Variants in FAT3 observed in about 807,000 individuals in gnomAD.
FAT3 encodes FAT atypical cadherin 3.
Under a neutral mutation model 310.2 loss-of-function variants are expected in FAT3, and 95 were observed. The observed-to-expected ratio is 0.31, with a 90% CI of 0.26 to 0.36. The LOEUF is 0.36. FAT3 is among the 10% of genes least tolerant of loss of function. FAT3 has a pLI of 1.00. For synonymous variants in FAT3, 2,314 were observed against 2,192.9 expected (o/e 1.06, Z -1.54); for missense variants, 5,408 against 5,715.6 (o/e 0.95, Z 1.74).
chr11:92,864,144 C>T (rs1398523472), intron 21 of FAT3, among the ~76,000 whole-genome samples: 1 of 152,176 alleles, frequency 6.6e-6, no homozygotes, highest in Non-Finnish European at 1.5e-5. Context: ...ACATCAGAGT[C>T]CTGTCATTTC....
At chr11:92,837,929 A>G in intron 17 of FAT3, 123 bp downstream of exon 17, 1 of 1,205,806 alleles carries the variant, frequency 8.3e-7, no homozygotes, top group South Asian at 1.3e-5. Flanking sequence ...TTCATAGGGC[A>G]GGTATGAAAA....
chr11:92,828,259 A>T (rs1948149612), intron 13 of FAT3, among the ~76,000 whole-genome samples: 1 of 152,150 alleles, frequency 6.6e-6, no homozygotes, highest in African/African-American at 2.4e-5. Context: ...ATTGCCCAGG[A>T]ACATGGCAAA....
At position 92,867,189 on chromosome 11, in the gene FAT3, G is replaced by A. The variant is rs2136353027; in HGVS notation, c.12107G>A (p.Cys4036Tyr). ...KRSPCQHGGS[C>Y]TGLPSGGYQC... ...AGCCCGTGCCAGCACGGGGGCAGCT[G>A]CACTGGCCTGCCATCGGGGGGTGAG... Residue 4036 changes from cysteine (C) to tyrosine (Y), a missense_variant, in exon 22 of 28, where the codon TGC becomes TAC. This residue lies in a region of FAT3 where 4,588 missense variants were observed against 4,809.8 expected (regional missense o/e 0.95). Coordinates refer to ENST00000525166, the MANE Select transcript of FAT3 (RefSeq NM_001367949.2). 6.3e-7 allele frequency: 1 copy of A among 1,581,148 alleles called. No individual in the cohort carries two copies. Among genetic ancestry groups the A allele is most frequent in the Middle Eastern group, 1.8e-4 (1 of 5,572 alleles).
At chr11:92,784,591 G>A (rs944589836) in intron 7 of FAT3, among the ~76,000 whole-genome samples, 4 of 152,074 alleles carry the variant, frequency 2.6e-5, no homozygotes, top group African/African-American at 7.2e-5. Context: ...TCCTATATTC[G>A]GGTTTCCTCC....
At chr11:92,291,106 CACACACACACAT>C (rs1223782707) in intron 1 of FAT3, among the ~76,000 whole-genome samples, 11 of 151,838 alleles carry the variant, frequency 7.2e-5, no homozygotes, top group Non-Finnish European at 1.3e-4. Context: ...CACACACACA[CACACACACACAT>C]GCACGCGCGC....
intron 1 of FAT3, among the ~76,000 whole-genome samples, chr11:92,235,781 T>C (rs1864392907): frequency 6.6e-6 from 1 of 152,204 alleles, no homozygotes; most frequent in Non-Finnish European, 1.5e-5. Context: ...GCTGATCTGC[T>C]CAAGCTCTGG....
At chr11:92,425,279 T>G (rs959820094) in intron 2 of FAT3, among the ~76,000 whole-genome samples, 7 of 152,230 alleles carry the variant, frequency 4.6e-5, no homozygotes, top group Non-Finnish European at 7.4e-5. Flanking sequence ...CTACATGCTT[T>G]GGGTCCTGAG....
intron 1 of FAT3, among the ~76,000 whole-genome samples, chr11:92,327,546 C>A (rs897850155): frequency 2.0e-5 from 3 of 152,194 alleles, no homozygotes; most frequent in East Asian, 3.9e-4. Flanking sequence ...TTTCTTTAAT[C>A]ACTTGTCAAG....
intron 2 of FAT3, among the ~76,000 whole-genome samples, chr11:92,447,268 A>G (rs1179555808): frequency 2.0e-5 from 3 of 148,882 alleles, no homozygotes; most frequent in African/African-American, 7.6e-5. Flanking sequence ...CAGTGGTTTC[A>G]AGCACATTTT....
In FAT3 at chr11:92,394,960, G is replaced by C. The variant is rs146676346; in HGVS notation, c.3292+39556G>C. On this transcript the variant is annotated intron_variant, in intron 2 of 27. Coordinates refer to ENST00000525166, the MANE Select transcript of FAT3 (RefSeq NM_001367949.2). The stretch of plus-strand genomic sequence containing the variant: ...AGTTCCCATTAAGGCAGGGATGTCT[G>C]TTTTGTTTTCTGCCACACCCATTGG... Among the ~76,000 whole-genome samples the C allele has an allele frequency of 2.6e-5, 4 of 152,266 alleles. No homozygotes were observed. In the East Asian group the frequency reaches 7.7e-4, roughly 29 times the overall value.
chr11:92,393,903 T>C (rs1407048293), intron 2 of FAT3, among the ~76,000 whole-genome samples: 1 of 152,172 alleles, frequency 6.6e-6, no homozygotes, highest in Non-Finnish European at 1.5e-5. Context: ...ACTGACTTGT[T>C]ATGTTGTAAT....
intron 1 of FAT3, among the ~76,000 whole-genome samples, chr11:92,348,762 A>G (rs1487582808): frequency 6.6e-6 from 1 of 152,152 alleles, no homozygotes; most frequent in Admixed American, 6.6e-5. Context: ...TAAACTCAGG[A>G]GATTGGAACA....
intron 9 of FAT3, among the ~76,000 whole-genome samples, chr11:92,794,352 C>G (rs907394848): frequency 1.3e-5 from 2 of 151,966 alleles, no homozygotes; most frequent in South Asian, 2.1e-4. Context: ...GTGTTTTTTT[C>G]TTTTCCCCGT....
chr11:92,287,584 A>C (rs1301590522), intron 1 of FAT3, among the ~76,000 whole-genome samples: 4 of 152,172 alleles, frequency 2.6e-5, no homozygotes, highest in Admixed American at 6.6e-5. Flanking sequence ...TGTAGGCAGC[A>C]ATAATTAGAA....
intron 2 of FAT3, among the ~76,000 whole-genome samples, chr11:92,491,009 G>A (rs1368958523): frequency 6.6e-6 from 1 of 151,942 alleles, no homozygotes; most frequent in Non-Finnish European, 1.5e-5. Context: ...TCTGTGAAGA[G>A]GATTGTAAAT....
intron 1 of FAT3, among the ~76,000 whole-genome samples, chr11:92,262,018 A>G (rs529312637): frequency 2.0e-5 from 3 of 151,990 alleles, no homozygotes; most frequent in South Asian, 4.1e-4. Context: ...AGGTCTCTCG[A>G]ACAATAAATG....
rs773912436 is a variant in FAT3 at position 92,708,834 on chromosome 11, G to A, written c.3669+11389G>A. On this transcript the variant is annotated intron_variant, in intron 4 of 27. Coordinates refer to ENST00000525166, the MANE Select transcript of FAT3 (RefSeq NM_001367949.2). ...AAAGCTTAGAGATTTATCAGCTTCC[G>A]CTGGCCACCATCCACTTAAATAAGC... Among the ~76,000 whole-genome samples the A allele has an allele frequency of 2.6e-5, 4 of 152,262 alleles. No homozygotes were observed. The South Asian group carries it at 6.2e-4, about 24-fold the overall frequency.
At chr11:92,497,663 TTTAAA>T (rs1952804560) in intron 2 of FAT3, among the ~76,000 whole-genome samples, 1 of 151,956 alleles carries the variant, frequency 6.6e-6, no homozygotes, top group Non-Finnish European at 1.5e-5. Context: ...GGTGACACAG[TTTAAA>T]TTAGTCAGAA....
chr11:92,512,224 T>C (rs1953316794), intron 2 of FAT3, among the ~76,000 whole-genome samples: 1 of 152,038 alleles, frequency 6.6e-6, no homozygotes, highest in South Asian at 2.1e-4. Flanking sequence ...ACATATAATA[T>C]AGACAGAGTT....
Sources: gnomAD v4.1 joint callset for allele counts (sites outside exome capture counted in the v4.1 genomes callset) on GRCh38, gnomAD v4.1.1 for gene constraint, gnomAD v4.1.1 regional missense constraint, MANE v1.5 for transcripts, NCBI Gene and HGNC (gene_info 2026-07-23, HGNC 2026-07-21) for gene names.